PLXNA4: variants seen among roughly 807,000 people sequenced by gnomAD.
PLXNA4 encodes plexin-A4.
Under a neutral mutation model 191.8 loss-of-function variants are expected in PLXNA4, and 44 were observed. The ratio of observed to expected loss-of-function variants is 0.23; its 90% confidence interval spans 0.18 to 0.29. PLXNA4 has a LOEUF of 0.29. Among genes scored for constraint, PLXNA4 ranks in the 10% least tolerant of loss-of-function variants. The pLI is 1.00. For synonymous variants in PLXNA4, 1,082 were observed against 1,009.5 expected, an observed-to-expected ratio of 1.07 and a Z score of -1.36; for missense variants, 1,800 against 2,488.8, an observed-to-expected ratio of 0.72 and a Z score of 5.89.
intron 3 of PLXNA4, among the ~76,000 whole-genome samples, chr7:132,479,091 G>A (rs562744019): frequency 6.6e-6 from 1 of 152,046 alleles, no homozygotes; most frequent in Non-Finnish European, 1.5e-5. Flanking sequence ...AACGTAGCAA[G>A]ACCCCATCTC....
chr7:132,475,986 G>A (rs1157428456), intron 3 of PLXNA4, among the ~76,000 whole-genome samples: 1 of 152,232 alleles, frequency 6.6e-6, no homozygotes, highest in Non-Finnish European at 1.5e-5. Flanking sequence ...GCAAGGCAGA[G>A]CCCAGCGGGA....
At chr7:132,565,308 G>T (rs1467471663) in intron 1 of PLXNA4, among the ~76,000 whole-genome samples, 2 of 152,152 alleles carry the variant, frequency 1.3e-5, no homozygotes, top group Admixed American at 6.5e-5. Context: ...AGGATTAGAA[G>T]CTCGGTCTCT....
intron 3 of PLXNA4, among the ~76,000 whole-genome samples, chr7:132,325,209 G>C (rs938346623): frequency 6.6e-6 from 1 of 152,216 alleles, no homozygotes; most frequent in African/African-American, 2.4e-5. Context: ...GTGCCTAACA[G>C]TTTCTCTGGA....
At chr7:132,541,778 A>T (rs1175555286) in intron 1 of PLXNA4, among the ~76,000 whole-genome samples, 1 of 152,238 alleles carries the variant, frequency 6.6e-6, no homozygotes, top group African/African-American at 2.4e-5. Flanking sequence ...GCAGGCAGAG[A>T]TGATAAGTTG....
chr7:132,470,510 C>G (rs1274485692), intron 3 of PLXNA4, among the ~76,000 whole-genome samples: 1 of 152,130 alleles, frequency 6.6e-6, no homozygotes, highest in Non-Finnish European at 1.5e-5. Context: ...AATCATGCCC[C>G]CTCCCCAAAG....
chr7:132,216,982 C>T (rs1797982320), intron 9 of PLXNA4, among the ~76,000 whole-genome samples: 1 of 152,166 alleles, frequency 6.6e-6, no homozygotes, highest in African/African-American at 2.4e-5. Flanking sequence ...AACCCAACTC[C>T]CTCGGAGGCT....
At chr7:132,511,719 T>C (rs1221823278) in intron 1 of PLXNA4, among the ~76,000 whole-genome samples, 1 of 152,238 alleles carries the variant, frequency 6.6e-6, no homozygotes, top group Non-Finnish European at 1.5e-5. Flanking sequence ...ATTATGATAA[T>C]GAGATGGTTC....
Position 132,536,404 on chromosome 7 carries a change from A to C in PLXNA4, c.-86-27625T>G, listed in dbSNP as rs1443154334. ...GACAAAGACTAAATTCCCCTCCCTA[A>C]GCCTACCTCCACCTCTGCATGCACC... is the stretch of plus-strand genomic sequence containing the variant. On this transcript the variant is annotated intron_variant, in intron 1 of 31. Transcript: ENST00000321063. Among the ~76,000 whole-genome samples the C allele has an allele frequency of 2.6e-5, 4 of 152,124 alleles. No individual in the cohort carries two copies. In the East Asian group the frequency reaches 7.7e-4, roughly 29 times the overall value.
chr7:132,145,657 T>G (rs1795398112), intron 28 of PLXNA4: 1 of 281,444 alleles, frequency 3.6e-6, no homozygotes, highest in Non-Finnish European at 6.8e-6. Context: ...GTTTGGGCAT[T>G]ACTCACACTG....
chr7:132,326,456 GC>G (rs1230607065), intron 3 of PLXNA4, among the ~76,000 whole-genome samples: 2 of 152,134 alleles, frequency 1.3e-5, no homozygotes, highest in Non-Finnish European at 2.9e-5. Context: ...GGCCCTTGGT[GC>G]TCCCGTGGCC....
chr7:132,284,742 T>C (rs746512581), intron 4 of PLXNA4, among the ~76,000 whole-genome samples: 11 of 152,212 alleles, frequency 7.2e-5, no homozygotes, highest in Non-Finnish European at 1.3e-4. Flanking sequence ...AGTGAGTTTA[T>C]GAATGATGGA....
At chr7:132,332,809 G>A (rs112962243) in intron 3 of PLXNA4, among the ~76,000 whole-genome samples, 3 of 151,088 alleles carry the variant, frequency 2.0e-5, no homozygotes, top group African/African-American at 2.4e-5. Context: ...GCAGTGAGCT[G>A]TGATCATGCC....
At chr7:132,626,246 A>G (rs1010910512) in intron 2 of PLXNA4, among the ~76,000 whole-genome samples, 1 of 152,100 alleles carries the variant, frequency 6.6e-6, no homozygotes, top group Admixed American at 6.5e-5. Context: ...TCATCACATC[A>G]TCTTTTCTTA....
At chr7:132,262,022 A>T (rs1211036724) in intron 4 of PLXNA4, among the ~76,000 whole-genome samples, 1 of 152,184 alleles carries the variant, frequency 6.6e-6, no homozygotes, top group Non-Finnish European at 1.5e-5. Context: ...CTCAGCTGTA[A>T]AATGAGAGGC....
chr7:132,187,641 A>G (rs1796923534), intron 14 of PLXNA4, 34 bp from the exon 15 acceptor site: 2 of 1,585,740 alleles, frequency 1.3e-6, no homozygotes, highest in South Asian at 2.3e-5. Context: ...AGACACAACC[A>G]GGAAGGGGTG....
chr7:132,456,541 G>A (rs993957159), intron 3 of PLXNA4, among the ~76,000 whole-genome samples: 1 of 152,206 alleles, frequency 6.6e-6, no homozygotes, highest in Admixed American at 6.5e-5. Flanking sequence ...TCTGGACAGT[G>A]ATAGGATTAA....
chr7:132,391,625 C>A (rs552953424), intron 3 of PLXNA4, among the ~76,000 whole-genome samples: 1 of 152,260 alleles, frequency 6.6e-6, no homozygotes, highest in East Asian at 1.9e-4. Flanking sequence ...CCCCAGGCTA[C>A]CCAGCAGGGG....
chr7:132,592,534 T>G (rs1294509408), intron 2 of PLXNA4, among the ~76,000 whole-genome samples: 1 of 144,330 alleles, frequency 6.9e-6, no homozygotes, highest in East Asian at 2.0e-4. Flanking sequence ...TTTTTTTTTC[T>G]GAAAAGCTTT....
At chr7:132,144,137 C>T (rs563070950) in intron 29 of PLXNA4, among the ~76,000 whole-genome samples, 33 of 152,268 alleles carry the variant, frequency 2.2e-4, no homozygotes, top group African/African-American at 7.7e-4. Flanking sequence ...CCCACACTGC[C>T]TCAGAAGAAT....
Sources: allele counts gnomAD v4.1 joint callset (sites outside exome capture counted in the v4.1 genomes callset), GRCh38; gene constraint gnomAD v4.1.1; transcripts MANE v1.5; gene names NCBI Gene and HGNC (gene_info 2026-07-23, HGNC 2026-07-21).